ADCY2: variants seen among roughly 807,000 people sequenced by gnomAD.
ADCY2 encodes the protein adenylate cyclase 2, also known as adenylate cyclase type 2.
A neutral mutation model predicts 125.2 loss-of-function variants in ADCY2; 31 were observed. That is an observed-to-expected ratio of 0.25 (90% CI 0.19 to 0.33). The LOEUF (loss-of-function observed/expected upper bound fraction) is 0.33, where lower values mean the gene tolerates loss of function less well. Ranked by LOEUF, ADCY2 falls within the 10% of genes least tolerant of loss-of-function variation. The pLI is 1.00. For missense variants in ADCY2, 904 were observed against 1,418.2 expected (o/e 0.64, Z 5.82); for synonymous variants, 512 against 548.4 (o/e 0.93, Z 0.93).
At chr5:7,784,290 A>G (rs1744015294) in intron 18 of ADCY2, 75 bp from the exon 19 acceptor site, 2 of 1,039,886 alleles carry the variant, frequency 1.9e-6, no homozygotes, top group Middle Eastern at 2.1e-4. Flanking sequence ...ATATTTGTTG[A>G]TATTCAAATT....
chr5:7,473,284 G>C (rs76539391), intron 2 of ADCY2, among the ~76,000 whole-genome samples: 1 of 152,126 alleles, frequency 6.6e-6, no homozygotes, highest in African/African-American at 2.4e-5. Context: ...CTTCTGGTGG[G>C]GGCCTCCAGC....
intron 2 of ADCY2, among the ~76,000 whole-genome samples, chr5:7,464,900 G>A (rs972995024): frequency 2.4e-4 from 37 of 152,108 alleles, no homozygotes; most frequent in Admixed American, 1.5e-3. Flanking sequence ...AGACATACCC[G>A]AGACTGGGTA....
chr5:7,748,563 C>CACAA (rs1346113971), intron 15 of ADCY2, among the ~76,000 whole-genome samples: 1 of 148,788 alleles, frequency 6.7e-6, no homozygotes, highest in Non-Finnish European at 1.5e-5. Flanking sequence ...CACACACACA[C>CACAA]AAAATGCTGA....
intron 14 of ADCY2, among the ~76,000 whole-genome samples, chr5:7,733,449 A>G (rs1742164339): frequency 6.6e-6 from 1 of 152,170 alleles, no homozygotes; most frequent in Non-Finnish European, 1.5e-5. Context: ...ACAACTGGAA[A>G]AAATGCTGCC....
chr5:7,501,264 T>G (rs575559146), intron 2 of ADCY2, among the ~76,000 whole-genome samples: 3 of 152,222 alleles, frequency 2.0e-5, no homozygotes, highest in East Asian at 3.9e-4. Context: ...GAAGCCAAAG[T>G]CAAACCTGGC....
chr5:7,560,465 A>G (rs1288323657), intron 3 of ADCY2, among the ~76,000 whole-genome samples: 2 of 152,200 alleles, frequency 1.3e-5, no homozygotes, highest in African/African-American at 2.4e-5. Flanking sequence ...AAGGGAGAAA[A>G]TGCCACTTAA....
At chr5:7,695,625 A>G (rs371883348) in intron 5 of ADCY2, 127 bp from the exon 6 acceptor site, 3 of 468,448 alleles carry the variant, frequency 6.4e-6, no homozygotes, top group East Asian at 3.7e-5. Context: ...TGAGAAAATG[A>G]CCTCTTACTC....
intron 3 of ADCY2, among the ~76,000 whole-genome samples, chr5:7,540,651 A>G (rs1437247042): frequency 2.6e-5 from 4 of 152,232 alleles, no homozygotes; most frequent in East Asian, 3.9e-4. Flanking sequence ...AAAGAGCAGA[A>G]TGAATATTCT....
intron 2 of ADCY2, among the ~76,000 whole-genome samples, chr5:7,429,142 A>G (rs1740498539): frequency 6.6e-6 from 1 of 152,148 alleles, no homozygotes; most frequent in African/African-American, 2.4e-5. Context: ...TCCAGGAAAG[A>G]GCAGGTGAAA....
At chr5:7,551,306 C>G (rs918403118) in intron 3 of ADCY2, among the ~76,000 whole-genome samples, 3 of 152,090 alleles carry the variant, frequency 2.0e-5, no homozygotes, top group Non-Finnish European at 4.4e-5. Context: ...AGAGCCTGCA[C>G]TATTTATGTT....
chr5:7,671,376 A>G (rs1316768959), intron 4 of ADCY2, among the ~76,000 whole-genome samples: 1 of 152,222 alleles, frequency 6.6e-6, no homozygotes, highest in Non-Finnish European at 1.5e-5. Context: ...ATTCAGTAAA[A>G]AAACAAACAT....
chr5:7,520,956 G>C, intron 3 of ADCY2, 57 bp downstream of exon 3: 1 of 1,600,806 alleles, frequency 6.2e-7, no homozygotes, highest in Non-Finnish European at 8.5e-7. Flanking sequence ...CAGGGGGTGA[G>C]GCAGGTGCTG....
chr5:7,823,503 G>T (rs934327157), intron 24 of ADCY2, among the ~76,000 whole-genome samples: 2 of 152,138 alleles, frequency 1.3e-5, no homozygotes, highest in Non-Finnish European at 2.9e-5. Context: ...ATGGTACCAA[G>T]GCTTCCGGGA....
intron 2 of ADCY2, among the ~76,000 whole-genome samples, chr5:7,492,184 G>A (rs1270825679): frequency 6.6e-6 from 1 of 152,216 alleles, no homozygotes; most frequent in African/African-American, 2.4e-5. Context: ...AAGGATGGAG[G>A]TGAGAAGGAC....
intron 3 of ADCY2, among the ~76,000 whole-genome samples, chr5:7,599,034 C>T (rs918531206): frequency 1.6e-4 from 24 of 152,210 alleles, no homozygotes; most frequent in African/African-American, 4.8e-4. Flanking sequence ...TCATTTGCTG[C>T]ATTTTGGTGA....
intron 17 of ADCY2, among the ~76,000 whole-genome samples, chr5:7,769,972 G>T (rs1385539589): frequency 1.3e-5 from 2 of 152,140 alleles, no homozygotes. Flanking sequence ...AGCCTTACCC[G>T]GTCAGCTAAA....
chr5:7,622,614 G>A (rs1236155892), intron 3 of ADCY2, among the ~76,000 whole-genome samples: 1 of 152,258 alleles, frequency 6.6e-6, no homozygotes, highest in Non-Finnish European at 1.5e-5. Context: ...CTTACCTGCT[G>A]TGGCAGTGCA....
intron 2 of ADCY2, among the ~76,000 whole-genome samples, chr5:7,456,256 G>T (rs927480035): frequency 6.6e-6 from 1 of 152,102 alleles, no homozygotes; most frequent in African/African-American, 2.4e-5. Context: ...TTATGAATTT[G>T]GTATTGATTT....
In ADCY2 at chr5:7,568,995, A is replaced by G. The variant is rs115185537; in HGVS notation, c.570+48096A>G. Among the ~76,000 whole-genome samples, 1,120 of 152,254 alleles carry G rather than the reference A, an allele frequency of 7.4e-3. 7 individuals carry two copies. Among genetic ancestry groups the G allele is most frequent in the Non-Finnish European group, 0.013 (896 of 68,012 alleles). ...CTGTTTGTCAAATAGACTAACAACT[A>G]TGGTAGACTGCAATGTGCTACTGAA... On this transcript the variant is annotated intron_variant, in intron 3 of 24. Coordinates refer to ENST00000338316, the MANE Select transcript of ADCY2 (RefSeq NM_020546.3).
Sources: gnomAD v4.1 joint callset for allele counts (sites outside exome capture counted in the v4.1 genomes callset) on GRCh38, gnomAD v4.1.1 for gene constraint, MANE v1.5 for transcripts, NCBI Gene and HGNC (gene_info 2026-07-23, HGNC 2026-07-21) for gene names.